MEMO1: variants seen among roughly 807,000 people sequenced by gnomAD.
MEMO1 encodes the protein mediator of cell motility 1.
In MEMO1, 6 loss-of-function variants were observed where a neutral mutation model predicts 45.2. The observed-to-expected ratio is 0.13, with a 90% CI of 0.07 to 0.26. MEMO1 has a LOEUF of 0.26. Ranked by LOEUF, MEMO1 falls within the 10% of genes least tolerant of loss-of-function variation. MEMO1 has a pLI of 1.00. For missense variants in MEMO1, 184 were observed against 370.5 expected, an observed-to-expected ratio of 0.50 and a Z score of 4.13; for synonymous variants, 78 against 124.3, an observed-to-expected ratio of 0.63 and a Z score of 2.48.
intron 8 of MEMO1, among the ~76,000 whole-genome samples, chr2:31,876,437 T>G (rs1373157977): frequency 6.6e-6 from 1 of 152,170 alleles, no homozygotes; most frequent in Non-Finnish European, 1.5e-5. Context: ...CATTCCTACT[T>G]GAAACTAATT....
intron 7 of MEMO1, among the ~76,000 whole-genome samples, chr2:31,884,369 T>C (rs1403351993): frequency 7.9e-6 from 1 of 126,584 alleles, no homozygotes; most frequent in African/African-American, 2.7e-5. Flanking sequence ...ATTTCCTTAA[T>C]GTTAAAGATT....
At chr2:31,900,949 A>G (rs1376871607) in intron 6 of MEMO1, among the ~76,000 whole-genome samples, 1 of 152,242 alleles carries the variant, frequency 6.6e-6, no homozygotes, top group Non-Finnish European at 1.5e-5. Context: ...TTCCTTTGAC[A>G]TAAAAATGTG....
intron 2 of MEMO1, among the ~76,000 whole-genome samples, chr2:31,993,092 G>T (rs575695052): frequency 6.6e-6 from 1 of 152,082 alleles, no homozygotes; most frequent in East Asian, 1.9e-4. Context: ...AGGATCACTG[G>T]AGCCAAGGAA....
At chr2:31,996,238 G>C (rs1416405742) in intron 2 of MEMO1, among the ~76,000 whole-genome samples, 1 of 151,232 alleles carries the variant, frequency 6.6e-6, no homozygotes, top group Non-Finnish European at 1.5e-5. Context: ...GAGAGAGAAA[G>C]AAACAATGAA....
chr2:31,980,885 T>C (rs571833853), intron 2 of MEMO1, among the ~76,000 whole-genome samples: 2 of 152,176 alleles, frequency 1.3e-5, no homozygotes, highest in Non-Finnish European at 2.9e-5. Flanking sequence ...GACCCTTCCA[T>C]CTAGCAACAG....
At chr2:31,916,564 AT>A (rs1681475844) in intron 6 of MEMO1, among the ~76,000 whole-genome samples, 1 of 152,220 alleles carries the variant, frequency 6.6e-6, no homozygotes, top group Admixed American at 6.5e-5. Flanking sequence ...ATATTTTCTC[AT>A]GACAAAATAT....
At chr2:31,997,444 AG>A (rs1042752606) in intron 2 of MEMO1, among the ~76,000 whole-genome samples, 18 of 152,212 alleles carry the variant, frequency 1.2e-4, no homozygotes, top group African/African-American at 4.3e-4. Flanking sequence ...CATGTTGGCC[AG>A]GCTGGTCTCA....
At chr2:31,896,407 G>A (rs1677820147) in intron 6 of MEMO1, among the ~76,000 whole-genome samples, 1 of 152,144 alleles carries the variant, frequency 6.6e-6, no homozygotes. Context: ...AGTTTTCTGG[G>A]CAGTACAGTA....
At chr2:31,979,558 A>T (rs1670400508) in intron 2 of MEMO1, among the ~76,000 whole-genome samples, 1 of 152,326 alleles carries the variant, frequency 6.6e-6, no homozygotes, top group Non-Finnish European at 1.5e-5. Context: ...ATGGATAAAC[A>T]GCAGTGGTGA....
chr2:31,902,822 G>A (rs1211394641), intron 6 of MEMO1, among the ~76,000 whole-genome samples: 1 of 151,848 alleles, frequency 6.6e-6, no homozygotes, highest in East Asian at 1.9e-4. Flanking sequence ...TGCCATCACA[G>A]CTCACTGCAG....
intron 2 of MEMO1, among the ~76,000 whole-genome samples, chr2:31,974,028 T>A (rs957755483): frequency 1.3e-5 from 2 of 152,014 alleles, no homozygotes. Flanking sequence ...TTTATAGGAG[T>A]TCATAAGTGT....
intron 6 of MEMO1, among the ~76,000 whole-genome samples, chr2:31,896,088 C>T (rs1677762775): frequency 6.6e-6 from 1 of 152,030 alleles, no homozygotes; most frequent in African/African-American, 2.4e-5. Context: ...CGTGATCCGC[C>T]CGCCTCAGCC....
chr2:32,006,531 TG>T (rs1158403806), intron 2 of MEMO1, among the ~76,000 whole-genome samples: 1 of 151,932 alleles, frequency 6.6e-6, no homozygotes, highest in African/African-American at 2.4e-5. Context: ...TTCATGTTTT[TG>T]TTTGTTTTTT....
At chr2:31,994,643 TAATA>T (rs1186758682) in intron 2 of MEMO1, among the ~76,000 whole-genome samples, 2 of 150,630 alleles carry the variant, frequency 1.3e-5, no homozygotes, top group African/African-American at 4.9e-5. Context: ...AAAAAAATAA[TAATA>T]ATAATAATAA....
chr2:31,911,612 C>G (rs900270987), intron 6 of MEMO1, among the ~76,000 whole-genome samples: 1 of 152,080 alleles, frequency 6.6e-6, no homozygotes, highest in South Asian at 2.1e-4. Flanking sequence ...CAGGAAAAAC[C>G]GCTTAGGTAG....
chr2:31,913,248 CAAAAAAAAAAAA>C (rs3065389), intron 6 of MEMO1, among the ~76,000 whole-genome samples: 1 of 44,408 alleles, frequency 2.3e-5, no homozygotes, highest in Non-Finnish European at 4.8e-5. Context: ...GACTCCGTCT[CAAAAAAAAAAAA>C]AAAAAAAAAA....
intron 8 of MEMO1, among the ~76,000 whole-genome samples, chr2:31,880,811 A>G (rs1051087629): frequency 6.6e-5 from 10 of 152,134 alleles, no homozygotes; most frequent in African/African-American, 2.2e-4. Flanking sequence ...AAAAATTAAA[A>G]TAAGTATCAT....
intron 5 of MEMO1, among the ~76,000 whole-genome samples, chr2:31,919,596 A>G (rs1375183297): frequency 6.6e-6 from 1 of 152,106 alleles, no homozygotes; most frequent in Non-Finnish European, 1.5e-5. Flanking sequence ...AGACAGGAGA[A>G]TTGCTTGAGA....
At chr2:31,923,315 A>G (rs1318885238) in intron 4 of MEMO1, among the ~76,000 whole-genome samples, 1 of 151,920 alleles carries the variant, frequency 6.6e-6, no homozygotes, top group Non-Finnish European at 1.5e-5. Flanking sequence ...TTTCAACTGG[A>G]TTGTTTCTTG....
Sources: allele counts gnomAD v4.1 joint callset (sites outside exome capture counted in the v4.1 genomes callset), GRCh38; gene constraint gnomAD v4.1.1; transcripts MANE v1.5; gene names NCBI Gene and HGNC (gene_info 2026-07-23, HGNC 2026-07-21).